Variants in GRIK5 observed in about 807,000 individuals in gnomAD.
GRIK5 encodes glutamate receptor ionotropic, kainate 5.
A neutral mutation model predicts 97.4 loss-of-function variants in GRIK5; 43 were observed. The ratio of observed to expected loss-of-function variants is 0.44; its 90% CI spans 0.35 to 0.57. The LOEUF is 0.57. GRIK5 is among the 20% of genes least tolerant of loss of function. The pLI, the probability that GRIK5 is intolerant of heterozygous loss-of-function variation, is 0.01. For synonymous variants in GRIK5, 580 were observed against 583.5 expected (o/e 0.99, Z 0.09); for missense variants, 1,015 against 1,382.0 (o/e 0.73, Z 4.21).
rs2075405622 is a variant in GRIK5, at chr19:41,999,265, C to T, written c.2549G>A (p.Arg850His). The T allele has an allele frequency of 1.3e-6, 2 of 1,525,710 alleles. No homozygotes were observed. The highest frequency in any genetic ancestry group is 2.4e-5 in the South Asian group (2 of 83,594). 94.5% of individuals were successfully genotyped at this position (1,525,710 alleles called of 1,614,324 possible). Residue 850 changes from arginine (R) to histidine (H), a missense_variant, in exon 20 of 20, where the codon CGC (arginine) becomes CAC (histidine). Arg to His is a conservative substitution (Grantham distance 29). Coordinates refer to ENST00000593562, the MANE Select transcript of GRIK5 (RefSeq NM_002088.5). This position sits in a 1 kb window ranked among gnomAD's most constrained non-coding sequence, Gnocchi z 5.0. ...SVCQEMLQELRHAVSCRKTSR... is the reference protein window; with the variant it reads ...SVCQEMLQELHHAVSCRKTSR... ...CGTCTTGCGGCAAGAAACGGCGTGGCGCAGCTCCTGCAGCATCTCCTGGCA... is the reference window on the plus strand; with the variant it reads ...CGTCTTGCGGCAAGAAACGGCGTGGTGCAGCTCCTGCAGCATCTCCTGGCA...
intron 1 of GRIK5, 143 bp downstream of exon 1, chr19:42,069,098 G>A: frequency 2.2e-6 from 1 of 444,554 alleles, no homozygotes; most frequent in South Asian, 5.0e-5. Context: ...GGAGATGGAG[G>A]GCGCAGAGCA....
rs1555872806 is a variant in GRIK5, at chr19:42,006,769, T to C, written c.1913A>G (p.Asn638Ser). 2 of 1,613,244 alleles carry C rather than the reference T, an allele frequency of 1.2e-6. No homozygotes were observed. Among genetic ancestry groups the C allele is most frequent in the Non-Finnish European group, 1.7e-6 (2 of 1,179,604 alleles). ...TLIIISSYTA[N>S]LAAFLTVQRM... ...CTGCACGGTGAGGAAGGCGGCCAGGTTGGCCGTGTAGGAGGAGATGATGAT... is the reference window on the plus strand; with the variant it reads ...CTGCACGGTGAGGAAGGCGGCCAGGCTGGCCGTGTAGGAGGAGATGATGAT... Residue 638 changes from asparagine (N) to serine (S), a missense_variant, in exon 16 of 20, where the codon AAC (asparagine) becomes AGC (serine). This residue lies in a region of GRIK5 where 477 missense variants were observed against 701.1 expected (regional missense o/e 0.68). Transcript: ENST00000593562. This position sits in a 1 kb window ranked among gnomAD's most constrained non-coding sequence, Gnocchi z 5.3.
In GRIK5 at chr19:41,999,163, C is replaced by G; in HGVS notation, c.2651G>C (p.Arg884Pro). The G allele has an allele frequency of 2.0e-6, 3 of 1,504,084 alleles. No homozygotes were observed. The Admixed American group carries it at 6.3e-5, about 32-fold the overall frequency. The allele number at this position is 1,504,084 out of a possible 1,614,324, so 93.2% of individuals were successfully genotyped here. The change falls in exon 20 of 20, where the codon CGC (arginine) becomes CCC (proline). Residue 884 changes from arginine (R) to proline (P), a missense_variant. This residue lies in a region of GRIK5 where 229 missense variants were observed against 341.0 expected (regional missense o/e 0.67). Transcript: ENST00000593562. The surrounding 1 kb of genome is among the most constrained non-coding windows in gnomAD (Gnocchi z 5.0). ...CGAGTAGAGCTTGCCGTTGCTGAGG[C>G]GCATCTCGCGGACCGCGCGCAGTGA... ...LLSLRAVREM[R>P]LSNGKLYSAG...
intron 11 of GRIK5, among the ~76,000 whole-genome samples, chr19:42,043,492 A>G (rs1417713211): frequency 7.2e-6 from 1 of 138,172 alleles, no homozygotes; most frequent in Non-Finnish European, 1.5e-5. Context: ...TGCAACCTCC[A>G]CCTCCTGGGT....
intron 12 of GRIK5, among the ~76,000 whole-genome samples, chr19:42,026,400 G>A (rs976071917): frequency 6.6e-6 from 1 of 151,910 alleles, no homozygotes; most frequent in Non-Finnish European, 1.5e-5. Context: ...TGGGACTACA[G>A]GCAGATGCCA....
At chr19:42,052,675 C>T (rs897521010) in intron 11 of GRIK5, among the ~76,000 whole-genome samples, 2 of 152,214 alleles carry the variant, frequency 1.3e-5, no homozygotes, top group East Asian at 1.9e-4. Context: ...TGACAGGCCA[C>T]GGACTTGGCC....
rs747681517 is a variant in GRIK5, at chr19:42,042,559, A to G, written c.1466T>C (p.Ile489Thr). Residue 489 changes from isoleucine (I) to threonine (T), a missense_variant, in exon 12 of 20, where the codon ATC becomes ACC. Coordinates refer to ENST00000593562, the MANE Select transcript of GRIK5 (RefSeq NM_002088.5). This position sits in a 1 kb window ranked among gnomAD's most constrained non-coding sequence, Gnocchi z 6.9. Reference protein sequence around the residue: ...GSWTGMVGELINRKADLAVAA... With the variant: ...GSWTGMVGELTNRKADLAVAA... ...GCCCCAGTCCAGCCATACCCGGTTG[A>G]TGAGCTCGCCAACCATGCCCGTCCA... The G allele has an allele frequency of 1.2e-6, 2 of 1,609,572 alleles. No homozygotes were observed. The highest frequency in any genetic ancestry group is 2.7e-5 in the African/African-American group (2 of 74,882).
At chr19:42,054,079 A>C (rs2076150763) in intron 9 of GRIK5, 150 bp from the exon 10 acceptor site, 2 of 661,306 alleles carry the variant, frequency 3.0e-6, no homozygotes, top group Admixed American at 2.6e-5. Flanking sequence ...CACAGTCAAA[A>C]GAGCAAGATA....
chr19:42,021,621 C>T lies in GRIK5; in HGVS notation c.1698-147G>A. 1 of 640,776 alleles carries T rather than the reference C, an allele frequency of 1.6e-6. No homozygotes were observed. Among genetic ancestry groups the T allele is most frequent in the Non-Finnish European group, 2.7e-6 (1 of 376,216 alleles). 39.7% of individuals were successfully genotyped at this position (640,776 alleles called of 1,614,324 possible). The stretch of plus-strand genomic sequence containing the variant: ...TGGACAGAAGCACACAGAGAAAAGG[C>T]AGAGAGAGATGCACAGAGATGGAGA... On this transcript the variant is annotated intron_variant, in intron 14 of 19. Transcript: ENST00000593562. The surrounding 1 kb of genome is among the most constrained non-coding windows in gnomAD (Gnocchi z 4.2).
chr19:42,042,720 C>T lies in GRIK5; in HGVS notation c.1305G>A (p.Gln435=), dbSNP rs778901204. ...CGAAGCGTTCGTTCCCCGACAGGGC[C>T]TGGAAGTTGGGCCGGCGCATGACGT... ...NPYVMRRPNF[Q]ALSGNERFEG... The change falls in exon 12 of 20, where the codon CAG becomes CAA. Residue 435 remains glutamine, a synonymous_variant. Coordinates refer to ENST00000593562, the MANE Select transcript of GRIK5 (RefSeq NM_002088.5). This position sits in a 1 kb window ranked among gnomAD's most constrained non-coding sequence, Gnocchi z 6.9. 20 of 1,613,654 alleles carry T rather than the reference C, an allele frequency of 1.2e-5. No homozygotes were observed. Among genetic ancestry groups the T allele is most frequent in the Non-Finnish European group, 1.5e-5 (18 of 1,180,016 alleles).
rs1374748114 is a variant in GRIK5, at chr19:42,021,384, C to T, written c.1788G>A (p.Leu596=). 10 of 1,613,468 alleles carry T rather than the reference C, an allele frequency of 6.2e-6. No homozygotes were observed. The highest frequency in any genetic ancestry group is 8.5e-6 in the Non-Finnish European group (10 of 1,179,776). The part of the protein sequence containing the change: ...LENQYTLGNS[L]WFPVGGFMQQ... ...GCATGAAGCCCCCCACGGGAAACCA[C>T]AGGCTGTTGCCCAGCGTGTACTGGT... Residue 596 remains leucine, a synonymous_variant, in exon 15 of 20, where the codon CTG becomes CTA. Coordinates refer to ENST00000593562, the MANE Select transcript of GRIK5 (RefSeq NM_002088.5). This position sits in a 1 kb window ranked among gnomAD's most constrained non-coding sequence, Gnocchi z 4.2.
At chr19:42,066,406 T>G (rs1599858696) in intron 1 of GRIK5, among the ~76,000 whole-genome samples, 2 of 136,530 alleles carry the variant, frequency 1.5e-5, no homozygotes, top group Admixed American at 7.6e-5. Flanking sequence ...GATGGAGAGA[T>G]GGAGAAAAAG....
chr19:42,001,897 A>T (rs2075426715), intron 19 of GRIK5: 1 of 557,054 alleles, frequency 1.8e-6, no homozygotes, highest in African/African-American at 1.9e-5. Context: ...TCATTCAAGT[A>T]GTGGAGAAAG....
chr19:42,025,836 G>A (rs1463356711), intron 12 of GRIK5, among the ~76,000 whole-genome samples: 1 of 152,176 alleles, frequency 6.6e-6, no homozygotes, highest in Admixed American at 6.5e-5. Context: ...CAACGGGCTG[G>A]GCACAGTGGC....
Position 42,022,279 on chromosome 19 carries a change from T to C in GRIK5, c.1549A>G (p.Met517Val). The change falls in exon 13 of 20, where the codon ATG becomes GTG. Residue 517 changes from methionine (M) to valine (V), a missense_variant. Physicochemically the swap from Met to Val is conservative, Grantham distance 21. Transcript: ENST00000593562. The surrounding 1 kb of genome is among the most constrained non-coding windows in gnomAD (Gnocchi z 4.2). Reference protein sequence around the residue: ...EKVIDFSKPFMTLGISILYRV... With the variant: ...EKVIDFSKPFVTLGISILYRV... Reference sequence around the variant, plus strand: ...TAGAGGATGCTGATCCCCAGGGTCATAAAGGGCTTGGAAAAGTCGATGACC... The same window carrying C: ...TAGAGGATGCTGATCCCCAGGGTCACAAAGGGCTTGGAAAAGTCGATGACC... The C allele has an allele frequency of 1.2e-6, 2 of 1,613,874 alleles. No individual in the cohort carries two copies. Among genetic ancestry groups the C allele is most frequent in the Non-Finnish European group, 1.7e-6 (2 of 1,179,882 alleles).
intron 5 of GRIK5, among the ~76,000 whole-genome samples, chr19:42,060,256 A>G (rs2076241307): frequency 1.3e-5 from 2 of 151,504 alleles, no homozygotes; most frequent in African/African-American, 4.9e-5. Context: ...AAAAAAAAAA[A>G]GGTACTTGTT....
chr19:42,068,668 C>A, intron 1 of GRIK5: 1 of 429,494 alleles, frequency 2.3e-6, no homozygotes, highest in South Asian at 6.2e-5. Context: ...AGAGGGAAGC[C>A]AGGGTGGAGG....
Position 42,021,493 on chromosome 19 carries a change from C to T in GRIK5, c.1698-19G>A, listed in dbSNP as rs369793137. ...GCTCAGCCTGTGGAGAGACGTGCAG[C>T]GTGTGGATGGGGCCCAGAGCCCAGG... On this transcript the variant is annotated intron_variant, in intron 14 of 19. Coordinates refer to ENST00000593562, the MANE Select transcript of GRIK5 (RefSeq NM_002088.5). The surrounding 1 kb of genome is among the most constrained non-coding windows in gnomAD (Gnocchi z 4.2). 42 of 1,511,830 alleles carry T rather than the reference C, an allele frequency of 2.8e-5. No homozygotes were observed. The highest frequency in any genetic ancestry group is 3.5e-5 in the Non-Finnish European group (40 of 1,127,252). The allele number at this position is 1,511,830 out of a possible 1,614,324, so 93.7% of individuals were successfully genotyped here.
rs1040874160 is a variant in GRIK5, at chr19:42,042,836, G to A, written c.1270-81C>T. 1 of 1,039,380 alleles carries A rather than the reference G, an allele frequency of 9.6e-7. No homozygotes were observed. Among genetic ancestry groups the A allele is most frequent in the Non-Finnish European group, 1.4e-6 (1 of 696,018 alleles). The allele number at this position is 1,039,380 out of a possible 1,614,324, so 64.4% of individuals were successfully genotyped here. On this transcript the variant is annotated intron_variant, in intron 11 of 19. Coordinates refer to ENST00000593562, the MANE Select transcript of GRIK5 (RefSeq NM_002088.5). This position sits in a 1 kb window ranked among gnomAD's most constrained non-coding sequence, Gnocchi z 6.9. ...CGGATCCTGGAGCCCGGACCAGGCAGGTAGAGCAGGAATCTGCTTGCTGAG... is the reference window on the plus strand; with the variant it reads ...CGGATCCTGGAGCCCGGACCAGGCAAGTAGAGCAGGAATCTGCTTGCTGAG...
Sources: gnomAD v4.1 joint callset for allele counts (sites outside exome capture counted in the v4.1 genomes callset) on GRCh38, gnomAD v4.1.1 for gene constraint, gnomAD v4.1.1 regional missense constraint, Gnocchi (gnomAD v3.1) non-coding constraint, MANE v1.5 for transcripts, NCBI Gene and HGNC (gene_info 2026-07-23, HGNC 2026-07-21) for gene names.